The following RRAS2 variants were observed in gnomAD, a reference collection of about 807,000 sequenced individuals.
RRAS2 encodes ras-related protein R-Ras2.
A neutral mutation model predicts 27.6 loss-of-function variants in RRAS2; 7 were observed. That is an observed-to-expected ratio of 0.25 (90% CI 0.14 to 0.48). The LOEUF (loss-of-function observed/expected upper bound fraction) is 0.48, where lower values mean the gene tolerates loss of function less well. Among genes scored for constraint, RRAS2 ranks in the 20% least tolerant of loss-of-function variants. RRAS2 has a pLI of 0.99. For missense variants in RRAS2, 178 were observed against 256.2 expected (o/e 0.69, Z 2.08); for synonymous variants, 86 against 90.9 (o/e 0.95, Z 0.31).
At chr11:14,311,241 G>A (rs1423962807) in intron 1 of RRAS2, among the ~76,000 whole-genome samples, 2 of 152,130 alleles carry the variant, frequency 1.3e-5, no homozygotes, top group Non-Finnish European at 2.9e-5. Context: ...CTACTCTGGA[G>A]GCTGAGGCAG....
chr11:14,351,271 G>C (rs1284040122), intron 1 of RRAS2, among the ~76,000 whole-genome samples: 2 of 152,084 alleles, frequency 1.3e-5, no homozygotes, highest in African/African-American at 2.4e-5. Context: ...CTGTTCCAAA[G>C]TAAGACATGG....
At chr11:14,299,298 T>C (rs1385779416) in intron 1 of RRAS2, among the ~76,000 whole-genome samples, 1 of 152,188 alleles carries the variant, frequency 6.6e-6, no homozygotes, top group Non-Finnish European at 1.5e-5. Flanking sequence ...TGGGATTTGG[T>C]ATCCAAACGT....
intron 1 of RRAS2, chr11:14,356,723 C>T (rs1470445023): frequency 2.2e-6 from 1 of 447,966 alleles, no homozygotes; most frequent in Non-Finnish European, 4.4e-6. Flanking sequence ...CTAGAGCATC[C>T]AGGTACTATA....
At chr11:14,309,601 G>A (rs1186972638) in intron 1 of RRAS2, among the ~76,000 whole-genome samples, 1 of 152,228 alleles carries the variant, frequency 6.6e-6, no homozygotes, top group Non-Finnish European at 1.5e-5. Context: ...TGTGACACTG[G>A]AGAAGGGAAT....
At chr11:14,323,744 A>C (rs889197724) in intron 1 of RRAS2, among the ~76,000 whole-genome samples, 1 of 152,192 alleles carries the variant, frequency 6.6e-6, no homozygotes, top group Non-Finnish European at 1.5e-5. Context: ...TGAAAATTAC[A>C]GGCCAATTTC....
intron 1 of RRAS2, among the ~76,000 whole-genome samples, chr11:14,340,390 C>T (rs1320766002): frequency 6.6e-6 from 1 of 151,756 alleles, no homozygotes; most frequent in African/African-American, 2.4e-5. Flanking sequence ...AGTGAGCCAC[C>T]GCACTCAGCC....
At chr11:14,360,343 G>A (rs1474837760), upstream of RRAS2, among the ~76,000 whole-genome samples, 1 of 152,060 alleles carries the variant, frequency 6.6e-6, no homozygotes, top group African/African-American at 2.4e-5. Flanking sequence ...AACTGCGTGA[G>A]AGACCCCAAG....
chr11:14,291,889 C>T (rs1022714101), intron 4 of RRAS2, among the ~76,000 whole-genome samples: 2 of 152,142 alleles, frequency 1.3e-5, no homozygotes, highest in African/African-American at 4.8e-5. Context: ...TTTTAGAATA[C>T]TGTATTTGCA....
chr11:14,279,093 G>C lies in RRAS2; in HGVS notation c.*244C>G, dbSNP rs1849449103. 1 of 433,554 alleles carries C rather than the reference G, an allele frequency of 2.3e-6. No homozygotes were observed. The highest frequency in any genetic ancestry group is 4.2e-6 in the Non-Finnish European group (1 of 240,836). The allele number at this position is 433,554 out of a possible 1,614,324, so 26.9% of individuals were successfully genotyped here. A position where few individuals can be genotyped will look rare whatever the true frequency, so the allele number is the denominator to read the frequency against. On this transcript the variant is annotated 3_prime_UTR_variant, in exon 6 of 6. Transcript: ENST00000256196. ...GCACTTAAAAAAAGAGCATGTCTGT[G>C]TATATAGACATATATTTTAAAGGAA... is the stretch of plus-strand genomic sequence containing the variant.
intron 1 of RRAS2, among the ~76,000 whole-genome samples, chr11:14,298,232 T>A (rs1232096701): frequency 6.6e-6 from 1 of 152,208 alleles, no homozygotes; most frequent in African/African-American, 2.4e-5. Flanking sequence ...AAAACCTGAA[T>A]TTCACTGACT....
Position 14,358,502 on chromosome 11 carries a change from T to C in RRAS2, c.108+261A>G. On this transcript the variant is annotated intron_variant, in intron 1 of 5. Transcript: ENST00000256196. This position sits in a 1 kb window ranked among gnomAD's most constrained non-coding sequence, Gnocchi z 5.1. ...CAGAGCAATAAGGTGGATCGGTGCT[T>C]CCCACCCTTCCAGCTCCGCCCTCCC... 1.0e-6 allele frequency: 1 copy of C among 985,432 alleles called. No individual in the cohort carries two copies. Among genetic ancestry groups the C allele is most frequent in the Non-Finnish European group, 1.2e-6 (1 of 830,206 alleles). The allele number at this position is 985,432 out of a possible 1,614,324, so 61.0% of individuals were successfully genotyped here. A position where few individuals can be genotyped will look rare whatever the true frequency, so the allele number is the denominator to read the frequency against.
At chr11:14,302,445 A>G (rs1847740355) in intron 1 of RRAS2, among the ~76,000 whole-genome samples, 2 of 152,172 alleles carry the variant, frequency 1.3e-5, no homozygotes, top group African/African-American at 4.8e-5. Context: ...CTGAAATCCA[A>G]ATCCAGAAGC....
intron 1 of RRAS2, among the ~76,000 whole-genome samples, chr11:14,353,590 G>A (rs1178106677): frequency 6.9e-6 from 1 of 145,724 alleles, no homozygotes; most frequent in Non-Finnish European, 1.5e-5. Flanking sequence ...GCGAAACTTC[G>A]TCTCAAAAAA....
intron 1 of RRAS2, among the ~76,000 whole-genome samples, chr11:14,334,704 A>C (rs1554952373): frequency 6.6e-6 from 1 of 152,158 alleles, no homozygotes; most frequent in Non-Finnish European, 1.5e-5. Flanking sequence ...AGTGTTAAAA[A>C]AAAAAAGTAT....
rs1468827141 is a variant in RRAS2, at chr11:14,351,859, C to T, written c.108+6904G>A. 2.1e-5 allele frequency among the ~76,000 whole-genome samples: 3 copies of T among 142,648 alleles called. No homozygotes were observed. In the East Asian group the frequency reaches 6.2e-4, roughly 29 times the overall value. 93.6% of individuals were successfully genotyped at this position (142,648 alleles called of 152,430 possible). ...GCAATGAGCCGAGATTGTGCCACTG[C>T]ACTCCAGCCTGGGTGACAGAGTGAG... On this transcript the variant is annotated intron_variant, in intron 1 of 5. Transcript: ENST00000256196.
chr11:14,308,189 G>A lies in RRAS2; in HGVS notation c.109-12334C>T, dbSNP rs1270696313. The A allele has an allele frequency of 1.3e-5, 5 of 388,892 alleles. No individual in the cohort carries two copies. In the Admixed American group the frequency reaches 1.4e-4, roughly 11 times the overall value. The allele number at this position is 388,892 out of a possible 1,614,324, so 24.1% of individuals were successfully genotyped here. ...AAAATATCTCTGGAAAGATACACAA[G>A]AAACTGATTAACTTTACCTGTGGGT... On this transcript the variant is annotated intron_variant, in intron 1 of 5. Coordinates refer to ENST00000256196, the MANE Select transcript of RRAS2 (RefSeq NM_012250.6).
intron 1 of RRAS2, among the ~76,000 whole-genome samples, chr11:14,316,435 C>T (rs544439506): frequency 9.9e-5 from 15 of 152,254 alleles, no homozygotes; most frequent in African/African-American, 3.4e-4. Flanking sequence ...TTTACATCTC[C>T]CCCTGCAAAA....
chr11:14,326,259 T>G, intron 1 of RRAS2, among the ~76,000 whole-genome samples: 1 of 152,236 alleles, frequency 6.6e-6, no homozygotes, highest in African/African-American at 2.4e-5. Context: ...AGTGACAGCT[T>G]AAAACAAGTA....
intron 1 of RRAS2, among the ~76,000 whole-genome samples, chr11:14,307,352 T>A (rs910191047): frequency 4.0e-5 from 6 of 151,374 alleles, no homozygotes; most frequent in African/African-American, 1.5e-4. Flanking sequence ...CGGGGGGAAA[T>A]GTGATGAAAT....
Sources: gnomAD v4.1 joint callset for allele counts (sites outside exome capture counted in the v4.1 genomes callset) on GRCh38, gnomAD v4.1.1 for gene constraint, Gnocchi (gnomAD v3.1) non-coding constraint, MANE v1.5 for transcripts, NCBI Gene and HGNC (gene_info 2026-07-23, HGNC 2026-07-21) for gene names.